ZNF215: variants seen among roughly 807,000 people sequenced by gnomAD.
The protein encoded by ZNF215 is zinc finger protein 215.
In ZNF215, 24 loss-of-function variants were observed where a neutral mutation model predicts 27.2. The observed-to-expected ratio is 0.88, with a 90% CI of 0.64 to 1.24. ZNF215 has a LOEUF of 1.24. Among genes scored for constraint, ZNF215 ranks in the 50% most tolerant of loss-of-function variants. ZNF215 has a pLI of 0.00. For missense variants in ZNF215, 675 were observed against 605.7 expected (o/e 1.11, Z -1.20); for synonymous variants, 210 against 204.0 (o/e 1.03, Z -0.25).
Position 6,972,899 on chromosome 11 carries a change from A to T in ZNF215, c.806-11230A>T, listed in dbSNP as rs182377861. On this transcript the variant is annotated intron_variant, in intron 5 of 5. Transcript: ENST00000529903. ...TCATAAAATAGCCCTTAGCATTGAA[A>T]GGATTTTTTTAATTTTTTTTATTAT... Among the ~76,000 whole-genome samples the T allele has an allele frequency of 4.6e-4, 21 of 45,352 alleles. No homozygotes were observed. The East Asian group carries it at 0.011, about 23-fold the overall frequency. The allele number at this position is 45,352 out of a possible 152,430, so 29.8% of individuals were successfully genotyped here.
At chr11:6,928,977 C>G (rs945099822) in intron 2 of ZNF215, among the ~76,000 whole-genome samples, 4 of 151,972 alleles carry the variant, frequency 2.6e-5, no homozygotes, top group African/African-American at 9.7e-5. Flanking sequence ...GAAAGATGGT[C>G]TTTTGTTATG....
downstream of ZNF215, among the ~76,000 whole-genome samples, chr11:6,986,259 A>G (rs981045465): frequency 2.6e-5 from 4 of 152,206 alleles, no homozygotes; most frequent in Non-Finnish European, 5.9e-5. Context: ...GACAAAATCA[A>G]CAACAATAAG....
intron 1 of ZNF215, among the ~76,000 whole-genome samples, chr11:6,927,225 C>A (rs566721955): frequency 7.0e-4 from 106 of 152,230 alleles, no homozygotes; most frequent in Non-Finnish European, 1.3e-3. Flanking sequence ...CATTCCTGGC[C>A]ACCTCCCTAA....
chr11:6,983,915 T>A (rs1851011035), intron 5 of ZNF215, among the ~76,000 whole-genome samples: 2 of 152,116 alleles, frequency 1.3e-5, no homozygotes, highest in African/African-American at 4.8e-5. Flanking sequence ...ATAAAGGTGA[T>A]AGGCTTATCT....
intron 5 of ZNF215, among the ~76,000 whole-genome samples, chr11:6,980,709 T>C (rs943380729): frequency 4.7e-5 from 7 of 150,492 alleles, no homozygotes; most frequent in Non-Finnish European, 7.4e-5. Context: ...GCTGCACCCA[T>C]TAACTCGTCA....
chr11:6,954,190 G>A (rs1429085781), intron 6 of ZNF215, among the ~76,000 whole-genome samples: 1 of 78,156 alleles, frequency 1.3e-5, no homozygotes, highest in African/African-American at 3.9e-5. Flanking sequence ...CAGGGTTCAG[G>A]GACCCACTTG....
At chr11:6,981,836 G>A (rs886944182) in intron 5 of ZNF215, among the ~76,000 whole-genome samples, 5 of 151,928 alleles carry the variant, frequency 3.3e-5, no homozygotes, top group Non-Finnish European at 7.4e-5. Context: ...TGGCTAGCCA[G>A]TTTTCCCAGC....
intron 6 of ZNF215, among the ~76,000 whole-genome samples, chr11:6,950,113 T>C (rs375139151): frequency 1.1e-4 from 16 of 151,532 alleles, no homozygotes; most frequent in African/African-American, 2.9e-4. Flanking sequence ...GGTACCAGTA[T>C]CATGCTGTTT....
intron 5 of ZNF215, among the ~76,000 whole-genome samples, chr11:6,983,266 A>G (rs1352306738): frequency 6.6e-6 from 1 of 152,168 alleles, no homozygotes; most frequent in Non-Finnish European, 1.5e-5. Flanking sequence ...GCAATAATCA[A>G]TAGCTTACCA....
intron 2 of ZNF215, among the ~76,000 whole-genome samples, chr11:6,930,093 GTTTC>G (rs1849196764): frequency 1.5e-5 from 2 of 135,536 alleles, no homozygotes; most frequent in Non-Finnish European, 1.6e-5. Flanking sequence ...AAATGTTTCA[GTTTC>G]TTTTTTTTTT....
chr11:6,930,734 T>A (rs1346335865), intron 2 of ZNF215, among the ~76,000 whole-genome samples: 5 of 152,232 alleles, frequency 3.3e-5, no homozygotes, highest in Non-Finnish European at 7.3e-5. Context: ...AGATGATAGC[T>A]CTTTTAATCC....
At chr11:6,928,642 G>C (rs927363669) in intron 2 of ZNF215, among the ~76,000 whole-genome samples, 1 of 152,082 alleles carries the variant, frequency 6.6e-6, no homozygotes, top group African/African-American at 2.4e-5. Flanking sequence ...TACATTTATT[G>C]TTGCAATTAA....
downstream of ZNF215, among the ~76,000 whole-genome samples, chr11:6,989,891 C>T (rs147766551): frequency 3.8e-4 from 58 of 152,260 alleles, no homozygotes; most frequent in African/African-American, 1.2e-3. Context: ...ATAGGGAGAA[C>T]CTAATGCTCA....
intron 3 of ZNF215, among the ~76,000 whole-genome samples, chr11:6,936,476 A>T (rs1849440018): frequency 6.6e-6 from 1 of 152,088 alleles, no homozygotes; most frequent in African/African-American, 2.4e-5. Context: ...CAGCAATAAC[A>T]AAAGACTGGT....
rs772959312 is a variant in ZNF215 at position 6,956,164 on chromosome 11, G to A, written c.1187G>A (p.Arg396Gln). ...KAFCRSSSLI[R>Q]HQIIHTGEKP... ...TTCTGCCGAAGTTCATCCCTTATTC[G>A]ACATCAGATCATTCACACAGGAGAG... The change falls in exon 7 of 7, where the codon CGA becomes CAA. Residue 396 changes from arginine to glutamine, a missense_variant. Physicochemically the swap from Arg to Gln is conservative, Grantham distance 43 (BLOSUM62 1). Transcript: ENST00000278319. 1.2e-5 allele frequency: 19 copies of A among 1,613,442 alleles called. No individual in the cohort carries two copies. The highest frequency in any genetic ancestry group is 3.3e-5 in the South Asian group (3 of 90,930).
chr11:6,983,136 G>A (rs1850994510), intron 5 of ZNF215, among the ~76,000 whole-genome samples: 1 of 152,036 alleles, frequency 6.6e-6, no homozygotes, highest in Non-Finnish European at 1.5e-5. Context: ...ACACCTCCAC[G>A]CAAATAAACT....
At chr11:6,939,109 T>A (rs1049793763) in intron 3 of ZNF215, among the ~76,000 whole-genome samples, 1 of 152,208 alleles carries the variant, frequency 6.6e-6, no homozygotes, top group East Asian at 1.9e-4. Context: ...TTTATACTCA[T>A]GGCAGGATAG....
chr11:6,958,604 G>C (rs759215254), downstream of ZNF215, among the ~76,000 whole-genome samples: 28 of 152,116 alleles, frequency 1.8e-4, no homozygotes, highest in Non-Finnish European at 2.9e-4. Flanking sequence ...AGAACCAATA[G>C]GATAAATGTA....
intron 5 of ZNF215, among the ~76,000 whole-genome samples, chr11:6,979,216 C>T (rs1027468183): frequency 6.6e-6 from 1 of 151,952 alleles, no homozygotes; most frequent in East Asian, 1.9e-4. Flanking sequence ...CTCTGAGTGA[C>T]ATAGTAGCAA....
Sources: gnomAD v4.1 joint callset for allele counts (sites outside exome capture counted in the v4.1 genomes callset) on GRCh38, gnomAD v4.1.1 for gene constraint, MANE v1.5 for transcripts, NCBI Gene and HGNC (gene_info 2026-07-23, HGNC 2026-07-21) for gene names.